Variants in DIAPH2 observed in about 807,000 individuals in gnomAD.
The protein encoded by DIAPH2 is protein diaphanous homolog 2.
Under a neutral mutation model 92.7 loss-of-function variants are expected in DIAPH2, and 35 were observed. The ratio of observed to expected loss-of-function variants is 0.38; its 90% CI spans 0.29 to 0.50. DIAPH2 has a LOEUF of 0.50. DIAPH2 is among the 20% of genes least tolerant of loss of function. The pLI, the probability that DIAPH2 is intolerant of heterozygous loss-of-function variation, is 0.94. For missense variants in DIAPH2, 701 were observed against 819.5 expected (o/e 0.86, Z 1.77); for synonymous variants, 301 against 280.4 (o/e 1.07, Z -0.73).
chrX:97,174,055 A>T (rs1453067027), intron 22 of DIAPH2, among the ~76,000 whole-genome samples: 1 of 95,965 alleles, frequency 1.0e-5, no homozygotes, highest in Non-Finnish European at 2.2e-5. Context: ...TATAATAAAA[A>T]TATATAATAA....
intron 26 of DIAPH2, 114 bp from the exon 27 acceptor site, chrX:97,599,139 T>C (rs147599773): frequency 3.9e-4 from 163 of 416,200 alleles, no homozygotes; most frequent in African/African-American, 3.2e-3. Context: ...ATTTACATTT[T>C]CATTTGAAGT....
intron 12 of DIAPH2, among the ~76,000 whole-genome samples, chrX:96,939,954 C>T (rs1216156221): frequency 5.7e-5 from 5 of 87,192 alleles, no homozygotes; most frequent in Non-Finnish European, 1.1e-4. Context: ...TGAGCCACCG[C>T]GCCCGGCCCA....
chrX:97,205,436 T>C (rs2067788646), intron 22 of DIAPH2, among the ~76,000 whole-genome samples: 1 of 110,519 alleles, frequency 9.0e-6, no homozygotes, highest in Non-Finnish European at 1.9e-5. Context: ...CTGACAAAGG[T>C]CTAATATCCA....
intron 22 of DIAPH2, among the ~76,000 whole-genome samples, chrX:97,178,826 G>T (rs1433705657): frequency 9.0e-6 from 1 of 111,106 alleles, no homozygotes; most frequent in Admixed American, 9.7e-5. Flanking sequence ...TTAAGGATGG[G>T]ATTAGGACTC....
At chrX:97,232,398 C>A in intron 22 of DIAPH2, among the ~76,000 whole-genome samples, 1 of 111,285 alleles carries the variant, frequency 9.0e-6, no homozygotes, top group South Asian at 3.8e-4. Flanking sequence ...TCACACCTGG[C>A]TAATTTTTGT....
intron 19 of DIAPH2, among the ~76,000 whole-genome samples, chrX:97,079,249 A>T (rs1242624529): frequency 9.0e-6 from 1 of 110,878 alleles, no homozygotes. Flanking sequence ...TGAGCTATTG[A>T]GTTTGGTCAT....
intron 4 of DIAPH2, among the ~76,000 whole-genome samples, chrX:96,813,951 T>A (rs1377085910): frequency 8.9e-6 from 1 of 111,755 alleles, no homozygotes; most frequent in Non-Finnish European, 1.9e-5. Flanking sequence ...CTGGCTGCCC[T>A]TAGCCTTTTT....
intron 4 of DIAPH2, among the ~76,000 whole-genome samples, chrX:96,780,215 G>A (rs1055417514): frequency 2.7e-5 from 3 of 111,887 alleles, no homozygotes; most frequent in Middle Eastern, 4.7e-3. Flanking sequence ...AGATGTTAAT[G>A]TTTATTCAAA....
chrX:97,494,716 G>T (rs1321410412), intron 26 of DIAPH2, among the ~76,000 whole-genome samples: 1 of 112,023 alleles, frequency 8.9e-6, no homozygotes, highest in African/African-American at 3.2e-5. Context: ...CTGGATTTGT[G>T]TGGGAGGATT....
At chrX:96,801,323 C>T (rs1470848299) in intron 4 of DIAPH2, among the ~76,000 whole-genome samples, 1 of 111,945 alleles carries the variant, frequency 8.9e-6, no homozygotes, top group Non-Finnish European at 1.9e-5. Context: ...GATGCCAGCA[C>T]CATTTTTTAA....
chrX:97,016,156 A>T (rs1244375030), intron 17 of DIAPH2, among the ~76,000 whole-genome samples: 1 of 112,100 alleles, frequency 8.9e-6, no homozygotes, highest in East Asian at 2.8e-4. Context: ...TTGGATCAGT[A>T]GGTGGGGCAG....
chrX:96,868,060 T>A (rs765465393), intron 4 of DIAPH2, among the ~76,000 whole-genome samples: 1 of 112,246 alleles, frequency 8.9e-6, no homozygotes, highest in African/African-American at 3.2e-5. Flanking sequence ...GTGCGGGCAC[T>A]TTTGGGTTCT....
chrX:96,839,479 A>G (rs1383236173), intron 4 of DIAPH2, among the ~76,000 whole-genome samples: 1 of 111,588 alleles, frequency 9.0e-6, no homozygotes, highest in Non-Finnish European at 1.9e-5. Context: ...CGATGGCTTA[A>G]TTACTTGTTA....
chrX:97,316,602 G>A (rs1315285944), intron 23 of DIAPH2, among the ~76,000 whole-genome samples: 3 of 110,848 alleles, frequency 2.7e-5, no homozygotes, highest in Non-Finnish European at 5.7e-5. Flanking sequence ...GTTGCAGTGA[G>A]CCGAGATTGT....
chrX:97,276,214 C>T (rs1400107201), intron 23 of DIAPH2, among the ~76,000 whole-genome samples: 2 of 111,575 alleles, frequency 1.8e-5, no homozygotes, highest in African/African-American at 3.3e-5. Flanking sequence ...TGCAGTGAGC[C>T]GAGATGGCAG....
At chrX:96,729,409 A>C (rs1366970070) in intron 1 of DIAPH2, among the ~76,000 whole-genome samples, 3 of 112,087 alleles carry the variant, frequency 2.7e-5, no homozygotes, top group Non-Finnish European at 5.6e-5. Context: ...TAGTGTGAAC[A>C]TTCTTAAAGA....
intron 4 of DIAPH2, among the ~76,000 whole-genome samples, chrX:96,849,071 G>A (rs1478625963): frequency 8.9e-6 from 1 of 111,893 alleles, no homozygotes; most frequent in Non-Finnish European, 1.9e-5. Context: ...TTGGGATAAT[G>A]GGTTTCTGAT....
intron 22 of DIAPH2, among the ~76,000 whole-genome samples, chrX:97,156,072 G>T (rs1261697239): frequency 1.8e-5 from 2 of 112,240 alleles, no homozygotes; most frequent in Admixed American, 9.5e-5. Context: ...CTTTTGCACA[G>T]TTAGCAATGA....
intron 26 of DIAPH2, among the ~76,000 whole-genome samples, chrX:97,509,906 C>A (rs1409631987): frequency 1.8e-5 from 2 of 110,548 alleles, no homozygotes; most frequent in Non-Finnish European, 3.8e-5. Context: ...TCCAGTCTAT[C>A]ATTGTTAGAC....
Sources: gnomAD v4.1 joint callset for allele counts (sites outside exome capture counted in the v4.1 genomes callset) on GRCh38, gnomAD v4.1.1 for gene constraint, MANE v1.5 for transcripts, NCBI Gene and HGNC (gene_info 2026-07-23, HGNC 2026-07-21) for gene names.